Variants in RARB observed in about 807,000 individuals in gnomAD.
RARB encodes the protein retinoic acid receptor beta, also known as HBV-activated protein.
RARB carries 17 observed loss-of-function variants against 51.9 expected under a neutral mutation model. The ratio of observed to expected loss-of-function variants is 0.33; its 90% confidence interval spans 0.22 to 0.49. The LOEUF is 0.49. Among genes scored for constraint, RARB ranks in the 20% least tolerant of loss-of-function variants. The pLI, the probability that RARB is intolerant of heterozygous loss-of-function variation, is 0.99. For synonymous variants in RARB, 215 were observed against 195.4 expected, an observed-to-expected ratio of 1.10 and a Z score of -0.84; for missense variants, 369 against 550.8, an observed-to-expected ratio of 0.67 and a Z score of 3.30.
intron 5 of RARB, among the ~76,000 whole-genome samples, chr3:25,405,528 T>C (rs2125497278): frequency 6.6e-6 from 1 of 152,302 alleles, no homozygotes; most frequent in East Asian, 1.9e-4. Context: ...GGCTAGAGAA[T>C]GTCATGTACA....
At chr3:25,148,895 T>C (rs993248161) in intron 4 of RARB, among the ~76,000 whole-genome samples, 9 of 151,788 alleles carry the variant, frequency 5.9e-5, no homozygotes, top group African/African-American at 2.2e-4. Context: ...TCTTCCCCTA[T>C]CTTTTTTCAT....
At chr3:24,968,428 C>A (rs747230117) in intron 2 of RARB, among the ~76,000 whole-genome samples, 3 of 152,076 alleles carry the variant, frequency 2.0e-5, no homozygotes, top group African/African-American at 7.2e-5. Flanking sequence ...ATGTAATAAA[C>A]CACCTTAGAA....
chr3:25,031,518 TG>T (rs149087047), intron 2 of RARB, among the ~76,000 whole-genome samples: 1,965 of 152,208 alleles, frequency 0.013, 51 homozygotes, highest in African/African-American at 0.043. Context: ...CAGAGGTGGG[TG>T]GGTGGTGGGT....
intron 3 of RARB, among the ~76,000 whole-genome samples, chr3:25,077,335 G>A (rs1028687691): frequency 6.6e-6 from 1 of 152,142 alleles, no homozygotes; most frequent in African/African-American, 2.4e-5. Flanking sequence ...CCCTCTGGAT[G>A]GAAGGTTCTC....
At chr3:25,565,813 C>T (rs538550059) in intron 3 of RARB, among the ~76,000 whole-genome samples, 1 of 152,176 alleles carries the variant, frequency 6.6e-6, no homozygotes, top group South Asian at 2.1e-4. Flanking sequence ...AGTAGTCTAC[C>T]TCCTTCCCAC....
At chr3:24,924,046 GGTCTAGACTCCAAAA>G (rs1006121616) in intron 2 of RARB, among the ~76,000 whole-genome samples, 1 of 152,070 alleles carries the variant, frequency 6.6e-6, no homozygotes, top group African/African-American at 2.4e-5. Context: ...GACCCAGCCA[GGTCTAGACTCCAAAA>G]GTCTATACTC....
In RARB at chr3:24,854,556, C is replaced by T. The variant is rs767264708; in HGVS notation, c.-458-4118C>T. ...TAGTAATGTAAATTTTCAGGCTCCACACTGAACCCACCTAACAAATCAGAA... is the reference window on the plus strand; with the variant it reads ...TAGTAATGTAAATTTTCAGGCTCCATACTGAACCCACCTAACAAATCAGAA... On this transcript the variant is annotated intron_variant, in intron 1 of 11. Transcript: ENST00000383772. Among the ~76,000 whole-genome samples the T allele has an allele frequency of 1.5e-3, 221 of 152,158 alleles. 1 individual carries two copies. The highest frequency in any genetic ancestry group is 1.5e-3 in the Non-Finnish European group (103 of 68,034).
At chr3:24,994,332 A>G (rs893273077) in intron 2 of RARB, among the ~76,000 whole-genome samples, 3 of 151,670 alleles carry the variant, frequency 2.0e-5, no homozygotes, top group Non-Finnish European at 2.9e-5. Context: ...TTACGTGCCT[A>G]TTTTTAAAAA....
intron 5 of RARB, among the ~76,000 whole-genome samples, chr3:25,289,454 C>T (rs191027645): frequency 2.6e-4 from 40 of 152,272 alleles, no homozygotes; most frequent in African/African-American, 9.6e-4. Flanking sequence ...CCACAGATGT[C>T]TTTATTGTGT....
chr3:25,426,830 A>C (rs191114173), upstream of RARB, among the ~76,000 whole-genome samples: 77 of 152,292 alleles, frequency 5.1e-4, no homozygotes, highest in African/African-American at 1.7e-3. Flanking sequence ...AAAGCTCTCC[A>C]TCCGGCTGGG....
intron 1 of RARB, among the ~76,000 whole-genome samples, chr3:25,443,622 TA>T (rs11294103): frequency 0.49 from 70,812 of 145,466 alleles, 17,096 homozygotes; most frequent in East Asian, 0.57. Flanking sequence ...AAAATATATA[TA>T]AAAAAAAAAA....
At chr3:25,198,806 TGTG>T (rs1463172944) in intron 5 of RARB, among the ~76,000 whole-genome samples, 1 of 152,022 alleles carries the variant, frequency 6.6e-6, no homozygotes, top group East Asian at 1.9e-4. Context: ...CTGGTGAGGA[TGTG>T]GAGAAAAGGG....
At chr3:25,330,725 G>T (rs540765973) in intron 5 of RARB, among the ~76,000 whole-genome samples, 1 of 152,162 alleles carries the variant, frequency 6.6e-6, no homozygotes, top group African/African-American at 2.4e-5. Context: ...TGGCAAATTG[G>T]ATAAAGAGTC....
At chr3:25,345,912 AAGAG>A (rs904867994) in intron 5 of RARB, 4 of 881,972 alleles carry the variant, frequency 4.5e-6, no homozygotes, top group South Asian at 1.1e-4. Context: ...AGTTTAAAAA[AAGAG>A]AGAAAAATGT....
intron 3 of RARB, among the ~76,000 whole-genome samples, chr3:25,510,592 C>T (rs1697841133): frequency 6.6e-6 from 1 of 151,826 alleles, no homozygotes; most frequent in South Asian, 2.1e-4. Flanking sequence ...AGCCACTGCA[C>T]TCCAGCCTGG....
At chr3:24,985,663 A>G (rs558432974) in intron 2 of RARB, among the ~76,000 whole-genome samples, 19 of 152,348 alleles carry the variant, frequency 1.2e-4, no homozygotes, top group African/African-American at 3.4e-4. Flanking sequence ...GGTTTGGAAA[A>G]AAACAAACGT....
At position 25,025,674 on chromosome 3, in the gene RARB, A is replaced by G. The variant is rs538089193; in HGVS notation, c.-379-34451A>G. On this transcript the variant is annotated intron_variant, in intron 2 of 11. Coordinates refer to the RARB transcript ENST00000383772. ...GTTCCATTTAGAGGGACCAGCTGCC[A>G]GGAGGGACATGGGCCCACTGTAGCC... Among the ~76,000 whole-genome samples the G allele has an allele frequency of 3.3e-4, 50 of 152,288 alleles. 1 individual carries two copies. The South Asian group carries it at 9.5e-3, about 29-fold the overall frequency.
At chr3:25,425,356 T>G (rs566088612), upstream of RARB, among the ~76,000 whole-genome samples, 16 of 152,324 alleles carry the variant, frequency 1.1e-4, no homozygotes, top group African/African-American at 3.6e-4. Flanking sequence ...GAATCAAGTT[T>G]TCAAGAAGTG....
At chr3:24,830,420 C>CGTGTGTGTGT (rs59434163) in intron 1 of RARB, among the ~76,000 whole-genome samples, 7,542 of 121,232 alleles carry the variant, frequency 0.062, 414 homozygotes, top group African/African-American at 0.14. Flanking sequence ...TGACAGAAGA[C>CGTGTGTGTGT]GTGTGTGTGT....
Sources: gnomAD v4.1 joint callset for allele counts (sites outside exome capture counted in the v4.1 genomes callset) on GRCh38, gnomAD v4.1.1 for gene constraint, MANE v1.5 for transcripts, NCBI Gene and HGNC (gene_info 2026-07-23, HGNC 2026-07-21) for gene names.